Variants in VEGFC observed in about 807,000 individuals in gnomAD.
VEGFC encodes the protein vascular endothelial growth factor C.
Under a neutral mutation model 46.1 loss-of-function variants are expected in VEGFC, and 12 were observed. The ratio of observed to expected loss-of-function variants is 0.26; its 90% CI spans 0.17 to 0.42. The LOEUF is 0.42. Among genes scored for constraint, VEGFC ranks in the 10% least tolerant of loss-of-function variants. The probability of loss-of-function intolerance (pLI) is 1.00; values close to 1 mark genes in which losing one functional copy is unlikely to be tolerated. For missense variants in VEGFC, 488 were observed against 529.4 expected, an observed-to-expected ratio of 0.92 and a Z score of 0.77; for synonymous variants, 232 against 195.5, an observed-to-expected ratio of 1.19 and a Z score of -1.56.
rs371693961 is a variant in VEGFC, at chr4:176,687,442, G to A, written c.890C>T (p.Ala297Val). 24 of 1,613,976 alleles carry A rather than the reference G, an allele frequency of 1.5e-5. No individual in the cohort carries two copies. Among genetic ancestry groups the A allele is most frequent in the South Asian group, 2.2e-5 (2 of 91,082 alleles). The change falls in exon 6 of 7, where the codon GCG (alanine) becomes GTG (valine). Residue 297 changes from alanine (A) to valine (V), a missense_variant. Physicochemically the swap from Ala to Val is moderately conservative, Grantham distance 64 (BLOSUM62 0). Transcript: ENST00000618562. ...DEETCQCVCR[A>V]GLRPASCGPH... ...TCCACAGCTGGCAGGCCGAAGCCCC[G>A]CTCTGCAGACACACTGACAGGTCTC...
chr4:176,691,806 CA>C (rs1734184929), intron 4 of VEGFC, among the ~76,000 whole-genome samples: 1 of 152,116 alleles, frequency 6.6e-6, no homozygotes, highest in South Asian at 2.1e-4. Flanking sequence ...CCAAGATGGC[CA>C]AATAGGAACA....
At chr4:176,748,152 C>T (rs372873905) in intron 1 of VEGFC, among the ~76,000 whole-genome samples, 25 of 151,992 alleles carry the variant, frequency 1.6e-4, no homozygotes, top group African/African-American at 4.3e-4. Context: ...TATTAGGTGA[C>T]GACATACATA....
intron 4 of VEGFC, among the ~76,000 whole-genome samples, chr4:176,709,774 A>G (rs1473699214): frequency 6.6e-6 from 1 of 152,188 alleles, no homozygotes; most frequent in African/African-American, 2.4e-5. Flanking sequence ...GGTGAGATGA[A>G]TGAAACGATG....
chr4:176,765,231 A>G (rs1174661301), intron 1 of VEGFC, among the ~76,000 whole-genome samples: 1 of 152,068 alleles, frequency 6.6e-6, no homozygotes, highest in African/African-American at 2.4e-5. Context: ...AGAAAGGATT[A>G]GTGAACTGGA....
At position 176,686,456 on chromosome 4, in the gene VEGFC, G is replaced by GA. The variant is rs1294816764; in HGVS notation, c.1145+730dup. ...TTTGGGAACTTTTATAAACTAAGGG[G>GA]AAAAAAAGTAGAGTTGAAGATGTTC... is the stretch of plus-strand genomic sequence containing the variant. On this transcript the variant is annotated intron_variant, in intron 6 of 6. Transcript: ENST00000618562. Among the ~76,000 whole-genome samples the GA allele has an allele frequency of 3.9e-5, 6 of 152,080 alleles. No homozygotes were observed. In the East Asian group the frequency reaches 1.2e-3, roughly 29 times the overall value.
intron 3 of VEGFC, among the ~76,000 whole-genome samples, chr4:176,722,488 G>GTTTTTTTTT (rs138526102): frequency 2.2e-5 from 3 of 134,980 alleles, no homozygotes; most frequent in Non-Finnish European, 3.0e-5. Flanking sequence ...TTTTTCTTTT[G>GTTTTTTTTT]TTTTTTTTTT....
intron 1 of VEGFC, among the ~76,000 whole-genome samples, chr4:176,762,467 T>C (rs897565937): frequency 6.6e-6 from 1 of 152,226 alleles, no homozygotes. Flanking sequence ...ACCAGGCTCC[T>C]GACCTGCCAG....
intron 1 of VEGFC, among the ~76,000 whole-genome samples, chr4:176,772,293 G>A (rs1280895236): frequency 1.3e-5 from 2 of 151,994 alleles, no homozygotes; most frequent in Non-Finnish European, 2.9e-5. Flanking sequence ...TCTGTTATGC[G>A]ATTTGACACA....
chr4:176,704,686 G>A lies in VEGFC; in HGVS notation c.704+6813C>T, dbSNP rs3755973. On this transcript the variant is annotated intron_variant, in intron 4 of 6. Coordinates refer to ENST00000618562, the MANE Select transcript of VEGFC (RefSeq NM_005429.5). ...CTTCCTCTAATCCACACACTCCCTT[G>A]CCACCAAGCTGTTCTTTCTATAATA... Among the ~76,000 whole-genome samples, 102 of 152,034 alleles carry A rather than the reference G, an allele frequency of 6.7e-4. 2 individuals carry two copies. In the East Asian group the frequency reaches 0.018, roughly 27 times the overall value.
chr4:176,711,249 T>A (rs1487985807), intron 4 of VEGFC, among the ~76,000 whole-genome samples: 1 of 152,204 alleles, frequency 6.6e-6, no homozygotes, highest in Non-Finnish European at 1.5e-5. Flanking sequence ...ACTGGTGGAA[T>A]GTGTTTTATT....
At chr4:176,746,616 C>G (rs1167406348) in intron 1 of VEGFC, among the ~76,000 whole-genome samples, 1 of 152,078 alleles carries the variant, frequency 6.6e-6, no homozygotes, top group Non-Finnish European at 1.5e-5. Flanking sequence ...TGTCTTCTCT[C>G]TTGGTACTTA....
intron 1 of VEGFC, among the ~76,000 whole-genome samples, chr4:176,767,144 A>C (rs918300081): frequency 2.7e-5 from 4 of 148,656 alleles, no homozygotes; most frequent in East Asian, 1.9e-4. Context: ...AAAAAAAAAA[A>C]CAACCAAAAA....
rs775311204 is a variant in VEGFC, at chr4:176,711,658, G to T, written c.553-8C>A. On this transcript the variant is annotated splice_polypyrimidine_tract_variant and splice_region_variant and intron_variant, in intron 3 of 6. Transcript: ENST00000618562. ...CACTGTAATTTCAAATAACTACAAA[G>T]AAGGGACAAAAAGAAGAAAAAATTA... 2.5e-6 allele frequency: 4 copies of T among 1,611,158 alleles called. No individual in the cohort carries two copies. Among genetic ancestry groups the T allele is most frequent in the South Asian group, 2.2e-5 (2 of 90,410 alleles).
chr4:176,764,706 C>T (rs1055530642), intron 1 of VEGFC, among the ~76,000 whole-genome samples: 1 of 152,142 alleles, frequency 6.6e-6, no homozygotes, highest in African/African-American at 2.4e-5. Context: ...AGCTTCTAGC[C>T]ATGTCATATT....
chr4:176,783,088 C>T (rs1735943116), intron 1 of VEGFC, among the ~76,000 whole-genome samples: 1 of 152,172 alleles, frequency 6.6e-6, no homozygotes, highest in African/African-American at 2.4e-5. Context: ...ACAAAGAGAA[C>T]CACCAAACAA....
At chr4:176,755,180 G>T (rs1393344539) in intron 1 of VEGFC, among the ~76,000 whole-genome samples, 1 of 151,916 alleles carries the variant, frequency 6.6e-6, no homozygotes. Flanking sequence ...CTTGTTAATA[G>T]CCTGCGAGCT....
At chr4:176,740,795 G>A (rs1007212073) in intron 1 of VEGFC, among the ~76,000 whole-genome samples, 1 of 151,590 alleles carries the variant, frequency 6.6e-6, no homozygotes, top group Non-Finnish European at 1.5e-5. Flanking sequence ...ACATTTGTCC[G>A]AAGTTCAGGT....
At chr4:176,730,596 T>G (rs1267442035) in intron 1 of VEGFC, among the ~76,000 whole-genome samples, 1 of 152,124 alleles carries the variant, frequency 6.6e-6, no homozygotes, top group Non-Finnish European at 1.5e-5. Context: ...AATATGTAAG[T>G]AAATACTTTG....
At chr4:176,733,457 T>C (rs1735001097) in intron 1 of VEGFC, among the ~76,000 whole-genome samples, 1 of 151,914 alleles carries the variant, frequency 6.6e-6, no homozygotes, top group African/African-American at 2.4e-5. Flanking sequence ...TCTGCCACAA[T>C]AGGAACAAAT....
Sources: gnomAD v4.1 joint callset for allele counts (sites outside exome capture counted in the v4.1 genomes callset) on GRCh38, gnomAD v4.1.1 for gene constraint, MANE v1.5 for transcripts, NCBI Gene and HGNC (gene_info 2026-07-23, HGNC 2026-07-21) for gene names.